CNTFR: variants seen among roughly 807,000 people sequenced by gnomAD.
The protein encoded by CNTFR is ciliary neurotrophic factor receptor.
CNTFR carries 12 observed loss-of-function variants against 40.4 expected under a neutral mutation model. That is an observed-to-expected ratio of 0.30 (90% CI 0.19 to 0.48). The LOEUF (loss-of-function observed/expected upper bound fraction) is 0.48. Among genes scored for constraint, CNTFR ranks in the 20% least tolerant of loss-of-function variants. CNTFR has a pLI of 0.99. For synonymous variants in CNTFR, 202 were observed against 209.6 expected (o/e 0.96, Z 0.31); for missense variants, 414 against 506.8 (o/e 0.82, Z 1.76).
intron 2 of CNTFR, chr9:34,571,262 C>G (rs1196813914): frequency 6.6e-6 from 1 of 152,456 alleles, no homozygotes; most frequent in East Asian, 1.9e-4. Context: ...AGAGGCCTAC[C>G]TGGTTCCCCA....
At chr9:34,554,925 C>T (rs1825773783) in intron 7 of CNTFR, among the ~76,000 whole-genome samples, 1 of 152,256 alleles carries the variant, frequency 6.6e-6, no homozygotes, top group Admixed American at 6.5e-5. Context: ...CGCATGTTCT[C>T]GCCACGGAGC....
intron 3 of CNTFR, 39 bp downstream of exon 3, chr9:34,568,858 T>G: frequency 3.2e-6 from 5 of 1,540,552 alleles, no homozygotes; most frequent in Non-Finnish European, 4.4e-6. Context: ...TGCCCAGCTC[T>G]GAGAGGGGGG....
chr9:34,561,238 ACT>A (rs1172964645), intron 4 of CNTFR, among the ~76,000 whole-genome samples: 1 of 151,280 alleles, frequency 6.6e-6, no homozygotes, highest in African/African-American at 2.4e-5. Context: ...CCCTCTCCTC[ACT>A]CTTTCCTTTC....
intron 2 of CNTFR, among the ~76,000 whole-genome samples, chr9:34,574,093 C>T (rs1164844042): frequency 9.7e-5 from 10 of 103,588 alleles, no homozygotes; most frequent in African/African-American, 3.1e-4. Context: ...ACAGCGTGGG[C>T]GGTGGGGGCG....
chr9:34,556,272 G>C lies in CNTFR; in HGVS notation c.751C>G (p.Leu251Val). The C allele has an allele frequency of 1.2e-6, 2 of 1,612,906 alleles. No homozygotes were observed. The highest frequency in any genetic ancestry group is 1.7e-6 in the Non-Finnish European group (2 of 1,179,548). Residue 251 changes from leucine to valine, a missense_variant, in exon 7 of 10, where the codon CTG (leucine) becomes GTG (valine). Physicochemically the swap from Leu to Val is conservative, Grantham distance 32. Around this residue, in one of 3 missense-constraint regions of CNTFR, gnomAD observed 83 missense variants for 145.0 expected, o/e 0.57. Coordinates refer to ENST00000378980, the MANE Select transcript of CNTFR (RefSeq NM_147164.3). ...KFFLRYRPLI[L>V]DQWQHVELSD... ...GCACTCACATGCTGCCACTGGTCCA[G>C]GATGAGGGGTCGGTAGCGCAGAAAG... is the stretch of plus-strand genomic sequence containing the variant.
intron 3 of CNTFR, among the ~76,000 whole-genome samples, chr9:34,566,423 G>T (rs2132168514): frequency 6.6e-6 from 1 of 152,232 alleles, no homozygotes; most frequent in Non-Finnish European, 1.5e-5. Context: ...GGCCTTGGAG[G>T]CCACAGCTGT....
intron 3 of CNTFR, among the ~76,000 whole-genome samples, chr9:34,565,723 G>C (rs1465965353): frequency 1.3e-5 from 2 of 152,198 alleles, no homozygotes; most frequent in East Asian, 1.9e-4. Context: ...AAATGGAAGG[G>C]TGGAGGCGAG....
chr9:34,556,003 T>G (rs1183001661), intron 7 of CNTFR, among the ~76,000 whole-genome samples: 1 of 144,484 alleles, frequency 6.9e-6, no homozygotes, highest in African/African-American at 2.6e-5. Flanking sequence ...TCCCTGCATT[T>G]CTCTCCACGA....
chr9:34,579,895 C>T (rs1827199679), intron 2 of CNTFR, among the ~76,000 whole-genome samples: 1 of 152,106 alleles, frequency 6.6e-6, no homozygotes, highest in South Asian at 2.1e-4. Flanking sequence ...CTCCTTGGCC[C>T]CCACAGAAGC....
intron 2 of CNTFR, among the ~76,000 whole-genome samples, chr9:34,578,495 C>A (rs1171970508): frequency 6.6e-6 from 1 of 152,184 alleles, no homozygotes; most frequent in African/African-American, 2.4e-5. Context: ...CAGGCCAACT[C>A]GGGCAGACCA....
At chr9:34,559,257 C>CT (rs2132138153) in intron 4 of CNTFR, among the ~76,000 whole-genome samples, 1 of 152,244 alleles carries the variant, frequency 6.6e-6, no homozygotes, top group African/African-American at 2.4e-5. Flanking sequence ...GTGAGTGACT[C>CT]TGTGTGATTG....
rs1229943797 is a variant in CNTFR at position 34,551,854 on chromosome 9, T to C, written c.*217A>G. The C allele has an allele frequency of 6.1e-6, 4 of 659,538 alleles. No individual in the cohort carries two copies. Among genetic ancestry groups the C allele is most frequent in the Non-Finnish European group, 5.5e-6 (2 of 364,720 alleles). The allele number at this position is 659,538 out of a possible 1,614,324, so 40.9% of individuals were successfully genotyped here. On this transcript the variant is annotated 3_prime_UTR_variant, in exon 10 of 10. Coordinates refer to ENST00000378980, the MANE Select transcript of CNTFR (RefSeq NM_147164.3). Reference sequence around the variant, plus strand: ...GTCTTTGGTGGGTGGGTTAGCTGCATGGCCCACCTCCCCTGAGGGAGGAAG... The same window carrying C: ...GTCTTTGGTGGGTGGGTTAGCTGCACGGCCCACCTCCCCTGAGGGAGGAAG...
chr9:34,566,317 G>T (rs543935261), intron 3 of CNTFR, among the ~76,000 whole-genome samples: 2 of 152,270 alleles, frequency 1.3e-5, no homozygotes, highest in Non-Finnish European at 2.9e-5. Flanking sequence ...TGTCAGAGAA[G>T]AAGGAAGCAG....
chr9:34,568,786 T>C, intron 3 of CNTFR, 111 bp downstream of exon 3: 1 of 956,122 alleles, frequency 1.0e-6, no homozygotes, highest in Non-Finnish European at 1.6e-6. Flanking sequence ...TGGTCATGTG[T>C]GACAATGCCA....
intron 4 of CNTFR, among the ~76,000 whole-genome samples, chr9:34,561,636 T>G (rs1826081287): frequency 6.6e-6 from 1 of 152,196 alleles, no homozygotes. Flanking sequence ...CAAGTTCCCT[T>G]GTAAATAGAG....
chr9:34,572,007 C>T (rs948662110), intron 2 of CNTFR, among the ~76,000 whole-genome samples: 3 of 152,054 alleles, frequency 2.0e-5, no homozygotes, highest in Admixed American at 6.5e-5. Flanking sequence ...AGAGCATCTC[C>T]GTGGCCTGCC....
intron 2 of CNTFR, among the ~76,000 whole-genome samples, chr9:34,578,585 G>A (rs1168938958): frequency 2.6e-5 from 4 of 152,182 alleles, no homozygotes; most frequent in African/African-American, 7.2e-5. Flanking sequence ...CCCAGCTCCC[G>A]GCTACCTTCC....
rs372857598 is a variant in CNTFR, at chr9:34,557,991, G to T, written c.320-7C>A. ...ACAGGCTCCCGCGGCGGCACTGGGG[G>T]TGAGGACAGTATGGTCAGGGCATTC... On this transcript the variant is annotated splice_region_variant and splice_polypyrimidine_tract_variant and intron_variant, in intron 4 of 9. Coordinates refer to ENST00000378980, the MANE Select transcript of CNTFR (RefSeq NM_147164.3). The surrounding 1 kb of genome is among the most constrained non-coding windows in gnomAD (Gnocchi z 4.2). 2.6e-6 allele frequency: 4 copies of T among 1,532,920 alleles called. No individual in the cohort carries two copies. Among genetic ancestry groups the T allele is most frequent in the African/African-American group, 1.4e-5 (1 of 72,406 alleles). The allele number at this position is 1,532,920 out of a possible 1,614,324, so 95.0% of individuals were successfully genotyped here.
intron 7 of CNTFR, among the ~76,000 whole-genome samples, chr9:34,553,847 A>C (rs967442120): frequency 4.6e-5 from 7 of 152,148 alleles, no homozygotes; most frequent in Non-Finnish European, 1.0e-4. Flanking sequence ...GGCAGCCGGC[A>C]GGGGCGGAGG....
Sources: allele counts gnomAD v4.1 joint callset (sites outside exome capture counted in the v4.1 genomes callset), GRCh38; gene constraint gnomAD v4.1.1; regional missense constraint gnomAD v4.1.1; non-coding constraint Gnocchi (gnomAD v3.1); transcripts MANE v1.5; gene names NCBI Gene and HGNC (gene_info 2026-07-23, HGNC 2026-07-21).